Variants in TMEFF1 observed in about 807,000 individuals in gnomAD.
The protein encoded by TMEFF1 is tomoregulin-1.
A neutral mutation model predicts 47.5 loss-of-function variants in TMEFF1; 20 were observed. The observed-to-expected ratio is 0.42, with a 90% CI of 0.30 to 0.61. TMEFF1 has a LOEUF of 0.61. Ranked by LOEUF, TMEFF1 falls within the 20% of genes least tolerant of loss-of-function variation. The pLI, the probability that TMEFF1 is intolerant of heterozygous loss-of-function variation, is 0.19. For missense variants in TMEFF1, 411 were observed against 471.1 expected (o/e 0.87, Z 1.18); for synonymous variants, 162 against 166.3 (o/e 0.97, Z 0.20).
chr9:100,546,244 C>T (rs1838730458), intron 5 of TMEFF1, among the ~76,000 whole-genome samples: 1 of 152,154 alleles, frequency 6.6e-6, no homozygotes, highest in Non-Finnish European at 1.5e-5. Context: ...CCCAGACCCA[C>T]GTGGCTGGGG....
At chr9:100,512,715 G>A (rs1364642968) in intron 3 of TMEFF1, among the ~76,000 whole-genome samples, 1 of 152,122 alleles carries the variant, frequency 6.6e-6, no homozygotes, top group Non-Finnish European at 1.5e-5. Flanking sequence ...TTTCACTAGC[G>A]ACAAGTCAGG....
chr9:100,567,919 C>T (rs371598308), intron 8 of TMEFF1, among the ~76,000 whole-genome samples: 39 of 152,246 alleles, frequency 2.6e-4, no homozygotes, highest in South Asian at 1.5e-3. Context: ...CACATCTTAC[C>T]TGGATGGCAG....
At chr9:100,555,344 A>G (rs1170425748) in intron 7 of TMEFF1, among the ~76,000 whole-genome samples, 10 of 152,132 alleles carry the variant, frequency 6.6e-5, no homozygotes, top group Admixed American at 6.5e-4. Context: ...TTGTTTCCGA[A>G]ACCATGTTAT....
chr9:100,477,173 ATT>A (rs1837250184), intron 1 of TMEFF1, among the ~76,000 whole-genome samples: 1 of 152,172 alleles, frequency 6.6e-6, no homozygotes, highest in South Asian at 2.1e-4. Flanking sequence ...CTATGGCTTC[ATT>A]AAATTAATAG....
chr9:100,533,862 G>T (rs60412420), intron 5 of TMEFF1, among the ~76,000 whole-genome samples: 1 of 152,236 alleles, frequency 6.6e-6, no homozygotes, highest in Non-Finnish European at 1.5e-5. Flanking sequence ...GGGATTACAG[G>T]CGTGCACCAC....
rs377154765 is a variant in TMEFF1, at chr9:100,576,581, C to T, written c.1124C>T (p.Thr375Met). 120 of 1,612,986 alleles carry T rather than the reference C, an allele frequency of 7.4e-5. No homozygotes were observed. The highest frequency in any genetic ancestry group is 9.8e-5 in the Non-Finnish European group (116 of 1,179,490). ...AACCTAGGTCATTTTACTTCAGATA[C>T]GTCATCCAGAATGGTTTAAACTGAT... ...KQNLGHFTSD[T>M]SSRMV Residue 375 changes from threonine to methionine, a missense_variant, in exon 10 of 10, where the codon ACG (threonine) becomes ATG (methionine). Transcript: ENST00000374879.
chr9:100,506,567 C>G (rs1837865618), intron 2 of TMEFF1, among the ~76,000 whole-genome samples: 1 of 151,776 alleles, frequency 6.6e-6, no homozygotes, highest in African/African-American at 2.4e-5. Context: ...AGATCGAGAC[C>G]ATCCTGGCTA....
chr9:100,552,802 C>T (rs2118523738), intron 7 of TMEFF1, among the ~76,000 whole-genome samples: 1 of 150,480 alleles, frequency 6.6e-6, no homozygotes, highest in East Asian at 2.0e-4. Context: ...GTTGAGGCTG[C>T]AGTCAACTGA....
chr9:100,545,575 T>C (rs1838718291), intron 5 of TMEFF1, among the ~76,000 whole-genome samples: 1 of 152,208 alleles, frequency 6.6e-6, no homozygotes, highest in Non-Finnish European at 1.5e-5. Context: ...GGAGACATTT[T>C]CCCCATTGTT....
At chr9:100,529,385 G>A (rs1451173591) in intron 5 of TMEFF1, among the ~76,000 whole-genome samples, 108 of 146,222 alleles carry the variant, frequency 7.4e-4, no homozygotes, top group Non-Finnish European at 1.1e-3. Context: ...CAAAATAAAA[G>A]GATGGAGGAA....
intron 9 of TMEFF1, among the ~76,000 whole-genome samples, chr9:100,574,496 C>G (rs578082294): frequency 6.6e-6 from 1 of 151,904 alleles, no homozygotes. Flanking sequence ...CTCAACCTCC[C>G]GAGTAGCTGA....
intron 1 of TMEFF1, among the ~76,000 whole-genome samples, chr9:100,486,800 T>G (rs78594591): frequency 0.022 from 3,336 of 152,168 alleles, 102 homozygotes; most frequent in African/African-American, 0.076. Context: ...ATCCAGCTAA[T>G]TTTTAAAAAT....
chr9:100,577,385 A>G lies in TMEFF1; in HGVS notation c.*785A>G, dbSNP rs1419330256. On this transcript the variant is annotated 3_prime_UTR_variant, in exon 10 of 10. Transcript: ENST00000374879. ...GAATAAAATACAAAAATGATTGTTA[A>G]TGATTGGTGCTCTTAAAGTGAGCTT... 6.6e-6 allele frequency: 1 copy of G among 152,634 alleles called. No homozygotes were observed. The highest frequency in any genetic ancestry group is 1.5e-5 in the Non-Finnish European group (1 of 68,014). 9.5% of individuals were successfully genotyped at this position (152,634 alleles called of 1,614,324 possible). A position where few individuals can be genotyped will look rare whatever the true frequency, so the allele number is the denominator to read the frequency against.
rs556715518 is a variant in TMEFF1, at chr9:100,476,987, C to T, written c.196+3247C>T. 9.9e-5 allele frequency among the ~76,000 whole-genome samples: 15 copies of T among 152,092 alleles called. No homozygotes were observed. In the East Asian group the frequency reaches 1.5e-3, roughly 16 times the overall value. ...CTGGGATTACAGGCGTGAGCCACCG[C>T]GCCCGGCCTATTTCAGTTTTAAAAC... is the stretch of plus-strand genomic sequence containing the variant. On this transcript the variant is annotated intron_variant, in intron 1 of 9. Coordinates refer to ENST00000374879, the MANE Select transcript of TMEFF1 (RefSeq NM_003692.5).
chr9:100,568,136 A>G (rs1255305065), intron 8 of TMEFF1, among the ~76,000 whole-genome samples: 4 of 152,184 alleles, frequency 2.6e-5, no homozygotes, highest in Non-Finnish European at 4.4e-5. Flanking sequence ...AAACCATATC[A>G]GATAGTATAA....
chr9:100,560,568 T>C (rs1215741392), intron 7 of TMEFF1, among the ~76,000 whole-genome samples: 1 of 152,160 alleles, frequency 6.6e-6, no homozygotes, highest in Non-Finnish European at 1.5e-5. Context: ...GTGATGTATA[T>C]ACAGAGAATG....
At chr9:100,519,969 A>G (rs887256188) in intron 5 of TMEFF1, among the ~76,000 whole-genome samples, 12 of 152,112 alleles carry the variant, frequency 7.9e-5, no homozygotes, top group African/African-American at 2.9e-4. Flanking sequence ...ACTTACCTTT[A>G]TTAAATGCAA....
chr9:100,494,438 A>G (rs1167934231), intron 1 of TMEFF1, among the ~76,000 whole-genome samples: 1 of 152,144 alleles, frequency 6.6e-6, no homozygotes, highest in Non-Finnish European at 1.5e-5. Context: ...TAAAAAATGT[A>G]TTCATTTATA....
intron 5 of TMEFF1, among the ~76,000 whole-genome samples, chr9:100,534,051 A>G (rs760739534): frequency 6.6e-6 from 1 of 152,120 alleles, no homozygotes; most frequent in Non-Finnish European, 1.5e-5. Flanking sequence ...CTTTGAGGTG[A>G]GGGATGGAAC....
Sources: allele counts gnomAD v4.1 joint callset (sites outside exome capture counted in the v4.1 genomes callset), GRCh38; gene constraint gnomAD v4.1.1; transcripts MANE v1.5; gene names NCBI Gene and HGNC (gene_info 2026-07-23, HGNC 2026-07-21).